NFIX: variants seen among roughly 807,000 people sequenced by gnomAD.
The protein encoded by NFIX is nuclear factor 1 X-type.
A neutral mutation model predicts 53.3 loss-of-function variants in NFIX; 2 were observed. The ratio of observed to expected loss-of-function variants is 0.04; its 90% CI spans 0.02 to 0.12. The LOEUF (loss-of-function observed/expected upper bound fraction) is 0.12, where lower values mean the gene tolerates loss of function less well. Ranked by LOEUF, NFIX falls within the 10% of genes least tolerant of loss-of-function variation. NFIX has a pLI of 1.00. For missense variants in NFIX, 310 were observed against 674.5 expected (o/e 0.46, Z 5.99); for synonymous variants, 244 against 289.0 (o/e 0.84, Z 1.58).
chr19:12,995,570 G>GGCGGCA lies in NFIX; in HGVS notation c.-262_-257dup, dbSNP rs1393340310. 1 of 145,894 alleles carries GGCGGCA rather than the reference G, an allele frequency of 6.9e-6. No homozygotes were observed. The highest frequency in any genetic ancestry group is 1.5e-5 in the Non-Finnish European group (1 of 65,510). The allele number at this position is 145,894 out of a possible 1,614,324, so 9.0% of individuals were successfully genotyped here. A position where few individuals can be genotyped will look rare whatever the true frequency, so the allele number is the denominator to read the frequency against. On this transcript the variant is annotated 5_prime_UTR_variant, in exon 1 of 11. Coordinates refer to ENST00000592199, the MANE Select transcript of NFIX (RefSeq NM_001365902.3). ...CGGCGGCGGCATGGAGTAGACGCGCGGCGGCAGCGGCGGCGGCGGCGGACG... is the reference window on the plus strand; with the variant it reads ...CGGCGGCGGCATGGAGTAGACGCGCGGCGGCAGCGGCAGCGGCGGCGGCGGCGGACG...
chr19:13,001,999 A>G lies in NFIX; in HGVS notation c.27+6135A>G, dbSNP rs2011731027. ...GCCTCCCTCTGTCTGCCCGGCGCAC[A>G]TTGATCTTGGCTTCTGCCTGTGTCC... On this transcript the variant is annotated intron_variant, in intron 1 of 10. Transcript: ENST00000592199. The surrounding 1 kb of genome is among the most constrained non-coding windows in gnomAD (Gnocchi z 6.5). Among the ~76,000 whole-genome samples, 1 of 152,046 alleles carries G rather than the reference A, an allele frequency of 6.6e-6. No individual in the cohort carries two copies. Among genetic ancestry groups the G allele is most frequent in the Non-Finnish European group, 1.5e-5 (1 of 67,978 alleles).
intron 1 of NFIX, among the ~76,000 whole-genome samples, chr19:13,003,301 C>A (rs376151808): frequency 1.3e-5 from 2 of 152,286 alleles, no homozygotes; most frequent in African/African-American, 4.8e-5. Flanking sequence ...CACATCGATG[C>A]GGCATTACAC....
chr19:13,042,559 T>C (rs2014712736), intron 2 of NFIX, among the ~76,000 whole-genome samples: 1 of 152,040 alleles, frequency 6.6e-6, no homozygotes, highest in African/African-American at 2.4e-5. Context: ...GATTTCGCCA[T>C]GTTGGCCAGC....
chr19:13,008,603 C>G (rs1250311264), intron 1 of NFIX, among the ~76,000 whole-genome samples: 1 of 152,212 alleles, frequency 6.6e-6, no homozygotes, highest in Non-Finnish European at 1.5e-5. Flanking sequence ...CCCCACATCC[C>G]TCTTCTTCTT....
chr19:13,004,296 C>T (rs1270433832), intron 1 of NFIX, among the ~76,000 whole-genome samples: 2 of 152,134 alleles, frequency 1.3e-5, no homozygotes, highest in Non-Finnish European at 2.9e-5. Flanking sequence ...ATTACACATG[C>T]ACCCACATAC....
chr19:13,085,802 G>A (rs2017744794), intron 8 of NFIX, among the ~76,000 whole-genome samples: 1 of 152,188 alleles, frequency 6.6e-6, no homozygotes, highest in Non-Finnish European at 1.5e-5. Flanking sequence ...GTTCAGAAGG[G>A]CGTGGCTGCA....
At position 13,051,492 on chromosome 19, in the gene NFIX, CCTT is replaced by C. The variant is rs1470548264; in HGVS notation, c.560-21552_560-21550del. 2.6e-5 allele frequency among the ~76,000 whole-genome samples: 4 copies of C among 152,198 alleles called. No homozygotes were observed. Among genetic ancestry groups the C allele is most frequent in the African/African-American group, 9.7e-5 (4 of 41,442 alleles). On this transcript the variant is annotated intron_variant, in intron 2 of 10. Coordinates refer to ENST00000592199, the MANE Select transcript of NFIX (RefSeq NM_001365902.3). This position sits in a 1 kb window ranked among gnomAD's most constrained non-coding sequence, Gnocchi z 5.1. ...TTTCTTCTCGCTGGTTCTCCCCTGTCCTTCTCTAGCTGGGATTCCAGCTCTAGT... is the reference window on the plus strand; with the variant it reads ...TTTCTTCTCGCTGGTTCTCCCCTGTCCTCTAGCTGGGATTCCAGCTCTAGT...
At position 13,088,844 on chromosome 19, in the gene NFIX, C is replaced by G. The variant is rs929033242; in HGVS notation, c.1402+708C>G. Among the ~76,000 whole-genome samples, 1 of 151,944 alleles carries G rather than the reference C, an allele frequency of 6.6e-6. No homozygotes were observed. Among genetic ancestry groups the G allele is most frequent in the Non-Finnish European group, 1.5e-5 (1 of 67,984 alleles). ...CTCTCTCTCTGTCTCTCTTTCTTTT[C>G]TTTTCTTTTCTTTTTTTTTCCTCTT... On this transcript the variant is annotated intron_variant, in intron 9 of 10. Transcript: ENST00000592199. The surrounding 1 kb of genome is among the most constrained non-coding windows in gnomAD (Gnocchi z 5.9).
chr19:13,039,412 G>A (rs980329478), intron 2 of NFIX, among the ~76,000 whole-genome samples: 6 of 152,130 alleles, frequency 3.9e-5, no homozygotes, highest in African/African-American at 1.4e-4. Flanking sequence ...GCCTGGCTTG[G>A]CAAGGCCTCT....
chr19:13,003,351 G>A (rs934222665), intron 1 of NFIX, among the ~76,000 whole-genome samples: 1 of 152,142 alleles, frequency 6.6e-6, no homozygotes, highest in Non-Finnish European at 1.5e-5. Context: ...CACGGGACAC[G>A]CGCAGTCACA....
In NFIX at chr19:13,005,940, C is replaced by G. The variant is rs191860349; in HGVS notation, c.27+10076C>G. On this transcript the variant is annotated intron_variant, in intron 1 of 10. Coordinates refer to ENST00000592199, the MANE Select transcript of NFIX (RefSeq NM_001365902.3). The surrounding 1 kb of genome is among the most constrained non-coding windows in gnomAD (Gnocchi z 4.7). ...CCTCTCCCACACCTTGCTGGGCACC[C>G]AGCCGGAGCTCAAATGCTGGGGGTG... Among the ~76,000 whole-genome samples the G allele has an allele frequency of 7.9e-5, 12 of 152,354 alleles. No individual in the cohort carries two copies. The highest frequency in any genetic ancestry group is 2.9e-4 in the African/African-American group (12 of 41,584).
intron 2 of NFIX, among the ~76,000 whole-genome samples, chr19:13,057,479 G>C (rs997767966): frequency 6.6e-6 from 1 of 152,156 alleles, no homozygotes; most frequent in Non-Finnish European, 1.5e-5. Flanking sequence ...CTGCAGACTC[G>C]GCTTTCGCTC....
At chr19:13,015,458 G>A (rs2012607700) in intron 1 of NFIX, among the ~76,000 whole-genome samples, 2 of 152,074 alleles carry the variant, frequency 1.3e-5, no homozygotes, top group African/African-American at 4.8e-5. Flanking sequence ...CTCTTCTCTT[G>A]ATGCCATTCT....
Position 13,088,180 on chromosome 19 carries a change from G to T in NFIX, c.1402+44G>T, listed in dbSNP as rs1410221344. The T allele has an allele frequency of 6.5e-7, 1 of 1,534,608 alleles. No homozygotes were observed. Among genetic ancestry groups the T allele is most frequent in the Non-Finnish European group, 8.7e-7 (1 of 1,145,584 alleles). On this transcript the variant is annotated intron_variant, in intron 9 of 10. Transcript: ENST00000592199. This position sits in a 1 kb window ranked among gnomAD's most constrained non-coding sequence, Gnocchi z 5.9. ...CGAAACCACAACGCCCAGCGTCCCC[G>T]GCCCGTCCAAACAGTCTCCACTGCA...
chr19:13,028,946 A>G lies in NFIX; in HGVS notation c.559+3394A>G, dbSNP rs188925531. ...AGCCTTGGTCCTAGGAAAGAAAAAA[A>G]AAAATCCAAAGCTAACAAAATACTT... is the stretch of plus-strand genomic sequence containing the variant. On this transcript the variant is annotated intron_variant, in intron 2 of 10. Transcript: ENST00000592199. This position sits in a 1 kb window ranked among gnomAD's most constrained non-coding sequence, Gnocchi z 4.2. Among the ~76,000 whole-genome samples the G allele has an allele frequency of 2.0e-5, 3 of 152,328 alleles. No homozygotes were observed. The highest frequency in any genetic ancestry group is 7.2e-5 in the African/African-American group (3 of 41,588).
intron 2 of NFIX, among the ~76,000 whole-genome samples, chr19:13,058,725 A>G (rs531251627): frequency 2.0e-5 from 3 of 152,138 alleles, no homozygotes; most frequent in African/African-American, 7.2e-5. Flanking sequence ...AAAGAAAAAA[A>G]GCTCAGGGCC....
At position 13,013,340 on chromosome 19, in the gene NFIX, G is replaced by GC. The variant is rs2012478309; in HGVS notation, c.28-11676dup. Among the ~76,000 whole-genome samples the GC allele has an allele frequency of 6.6e-6, 1 of 152,170 alleles. No individual in the cohort carries two copies. The highest frequency in any genetic ancestry group is 6.5e-5 in the Admixed American group (1 of 15,290). ...CCGAGCCACCCCTGGAGCCAGAGCA[G>GC]CCCCCGAGCATTCAGAGAAAGCCGC... On this transcript the variant is annotated intron_variant, in intron 1 of 10. Coordinates refer to ENST00000592199, the MANE Select transcript of NFIX (RefSeq NM_001365902.3). The surrounding 1 kb of genome is among the most constrained non-coding windows in gnomAD (Gnocchi z 5.9).
At position 13,051,630 on chromosome 19, in the gene NFIX, A is replaced by G. The variant is rs1309781337; in HGVS notation, c.560-21417A>G. On this transcript the variant is annotated intron_variant, in intron 2 of 10. Transcript: ENST00000592199. The surrounding 1 kb of genome is among the most constrained non-coding windows in gnomAD (Gnocchi z 5.1). ...AGCCTCTCAGGCGAGTGAGCTCTAG[A>G]GGCCCTTCCTCGGAGAAGCCCAGCC... Among the ~76,000 whole-genome samples the G allele has an allele frequency of 1.3e-5, 2 of 152,056 alleles. No individual in the cohort carries two copies. Among genetic ancestry groups the G allele is most frequent in the East Asian group, 3.9e-4 (2 of 5,184 alleles).
chr19:13,093,634 G>C lies in NFIX; in HGVS notation c.1495-1001G>C, dbSNP rs2018269310. On this transcript the variant is annotated intron_variant, in intron 10 of 10. Coordinates refer to ENST00000592199, the MANE Select transcript of NFIX (RefSeq NM_001365902.3). The surrounding 1 kb of genome is among the most constrained non-coding windows in gnomAD (Gnocchi z 4.7). ...CTAGCTTCCTGGTGGGGTCAGGGCAGGGGTGGAGTGAACCAGGACCTGGTA... is the reference window on the plus strand; with the variant it reads ...CTAGCTTCCTGGTGGGGTCAGGGCACGGGTGGAGTGAACCAGGACCTGGTA... 6.6e-6 allele frequency among the ~76,000 whole-genome samples: 1 copy of C among 152,240 alleles called. No individual in the cohort carries two copies. Among genetic ancestry groups the C allele is most frequent in the Non-Finnish European group, 1.5e-5 (1 of 68,042 alleles).
Sources: allele counts gnomAD v4.1 joint callset (sites outside exome capture counted in the v4.1 genomes callset), GRCh38; gene constraint gnomAD v4.1.1; non-coding constraint Gnocchi (gnomAD v3.1); transcripts MANE v1.5; gene names NCBI Gene and HGNC (gene_info 2026-07-23, HGNC 2026-07-21).